Variants in TDRD12 observed in about 807,000 individuals in gnomAD.
TDRD12 encodes tudor domain containing 12.
A neutral mutation model predicts 133.5 loss-of-function variants in TDRD12; 158 were observed. That is an observed-to-expected ratio of 1.18 (90% CI 1.04 to 1.35). The LOEUF (loss-of-function observed/expected upper bound fraction) is 1.35. Ranked by LOEUF, TDRD12 falls within the 40% of genes most tolerant of loss-of-function variation. TDRD12 has a pLI of 0.00. For missense variants in TDRD12, 1,443 were observed against 1,321.3 expected (o/e 1.09, Z -1.43); for synonymous variants, 460 against 477.9 (o/e 0.96, Z 0.49).
intron 8 of TDRD12, among the ~76,000 whole-genome samples, chr19:32,769,836 A>T (rs1272581911): frequency 6.6e-6 from 1 of 152,002 alleles, no homozygotes; most frequent in Non-Finnish European, 1.5e-5. Flanking sequence ...GGGTTTGTCC[A>T]TGTTGATCAG....
At chr19:32,770,677 A>G (rs1410656340) in intron 8 of TDRD12, among the ~76,000 whole-genome samples, 1 of 152,220 alleles carries the variant, frequency 6.6e-6, no homozygotes, top group African/African-American at 2.4e-5. Flanking sequence ...TAGCTGAAAT[A>G]AACATGGGCA....
At chr19:32,804,938 T>G (rs967765313) in intron 21 of TDRD12, among the ~76,000 whole-genome samples, 6 of 151,584 alleles carry the variant, frequency 4.0e-5, no homozygotes, top group African/African-American at 9.7e-5. Flanking sequence ...GAAGGCATTC[T>G]CCTATATTTC....
intron 8 of TDRD12, among the ~76,000 whole-genome samples, chr19:32,764,312 G>A (rs569746086): frequency 6.5e-4 from 98 of 151,842 alleles, no homozygotes; most frequent in South Asian, 1.7e-3. Flanking sequence ...GGGTTTCACC[G>A]TGTTAGCCAG....
At chr19:32,816,833 C>G (rs1320672786) in intron 26 of TDRD12, among the ~76,000 whole-genome samples, 1 of 152,144 alleles carries the variant, frequency 6.6e-6, no homozygotes, top group Non-Finnish European at 1.5e-5. Context: ...ACAGCAGGCA[C>G]CTGTTAGGAA....
intron 4 of TDRD12, among the ~76,000 whole-genome samples, chr19:32,747,938 C>T (rs923576687): frequency 1.3e-5 from 2 of 152,018 alleles, no homozygotes; most frequent in African/African-American, 2.4e-5. Context: ...TCCCTTGAGC[C>T]CAGGAGTTCA....
chr19:32,722,410 A>G (rs1968712929), intron 1 of TDRD12, among the ~76,000 whole-genome samples: 1 of 151,968 alleles, frequency 6.6e-6, no homozygotes, highest in East Asian at 1.9e-4. Flanking sequence ...GCCCTCAACC[A>G]GCTCACCCCC....
At chr19:32,798,577 A>T in intron 16 of TDRD12, 142 bp downstream of exon 16, 1 of 529,052 alleles carries the variant, frequency 1.9e-6, no homozygotes, top group Non-Finnish European at 3.0e-6. Flanking sequence ...TCTATAATTA[A>T]GAAGAAAGAA....
At chr19:32,791,604 A>T (rs1568480760) in intron 13 of TDRD12, among the ~76,000 whole-genome samples, 1 of 152,168 alleles carries the variant, frequency 6.6e-6, no homozygotes, top group African/African-American at 2.4e-5. Flanking sequence ...CAGGAGACAG[A>T]GTGTGGCTGC....
chr19:32,800,806 T>G, intron 18 of TDRD12, 34 bp downstream of exon 18: 1 of 1,492,334 alleles, frequency 6.7e-7, no homozygotes, highest in East Asian at 2.5e-5. Context: ...ATGTTCTGTT[T>G]GTTTCAACTG....
intron 1 of TDRD12, among the ~76,000 whole-genome samples, chr19:32,723,845 T>C (rs1161083411): frequency 6.6e-6 from 1 of 152,146 alleles, no homozygotes; most frequent in East Asian, 1.9e-4. Flanking sequence ...CTTTAAGTAA[T>C]TACTGGGTTT....
intron 1 of TDRD12, among the ~76,000 whole-genome samples, chr19:32,726,143 C>T (rs1235673015): frequency 4.6e-5 from 7 of 151,100 alleles, no homozygotes; most frequent in South Asian, 4.2e-4. Flanking sequence ...TGCAGTGGTG[C>T]GATCTCAGCT....
intron 1 of TDRD12, among the ~76,000 whole-genome samples, chr19:32,727,976 C>G (rs553568725): frequency 4.7e-4 from 71 of 152,256 alleles, no homozygotes; most frequent in African/African-American, 1.7e-3. Context: ...CCTCCAAGTT[C>G]ATTCTTTTGC....
At chr19:32,771,845 T>G (rs1970451666) in intron 8 of TDRD12, among the ~76,000 whole-genome samples, 1 of 152,226 alleles carries the variant, frequency 6.6e-6, no homozygotes, top group South Asian at 2.1e-4. Flanking sequence ...TTATAATATT[T>G]CACATTTCTA....
intron 2 of TDRD12, among the ~76,000 whole-genome samples, chr19:32,735,282 A>G (rs540832605): frequency 1.3e-5 from 2 of 152,246 alleles, no homozygotes; most frequent in African/African-American, 4.8e-5. Flanking sequence ...ATGAAAAAAA[A>G]AATGAAAAAA....
intron 10 of TDRD12, among the ~76,000 whole-genome samples, chr19:32,775,579 C>T (rs777933091): frequency 6.6e-6 from 1 of 152,190 alleles, no homozygotes; most frequent in Non-Finnish European, 1.5e-5. Context: ...GTGATCCTCC[C>T]GCCTTGGCTT....
intron 3 of TDRD12, among the ~76,000 whole-genome samples, chr19:32,740,020 T>C (rs1178279010): frequency 9.6e-6 from 1 of 104,038 alleles, no homozygotes; most frequent in Non-Finnish European, 2.0e-5. Flanking sequence ...TCCTGGGTAC[T>C]CTCTGCATCT....
At chr19:32,810,770 T>A (rs1350842291) in intron 23 of TDRD12, among the ~76,000 whole-genome samples, 1 of 152,162 alleles carries the variant, frequency 6.6e-6, no homozygotes. Context: ...CTCATGCCTG[T>A]AATCCCAACA....
chr19:32,805,332 G>A (rs558786911), intron 21 of TDRD12, among the ~76,000 whole-genome samples: 7 of 150,344 alleles, frequency 4.7e-5, no homozygotes, highest in East Asian at 2.0e-4. Context: ...TCAGTGAGAC[G>A]TGATTGTGCC....
At chr19:32,755,648 A>G (rs1410533586) in intron 6 of TDRD12, among the ~76,000 whole-genome samples, 1 of 152,222 alleles carries the variant, frequency 6.6e-6, no homozygotes, top group Non-Finnish European at 1.5e-5. Flanking sequence ...CAGAAATTTA[A>G]AATTTTGAGC....
Sources: gnomAD v4.1 joint callset for allele counts (sites outside exome capture counted in the v4.1 genomes callset) on GRCh38, gnomAD v4.1.1 for gene constraint, MANE v1.5 for transcripts, NCBI Gene and HGNC (gene_info 2026-07-23, HGNC 2026-07-21) for gene names.